EIF2B1: variants seen among roughly 807,000 people sequenced by gnomAD.
EIF2B1 encodes the protein translation initiation factor eIF2B subunit alpha.
Under a neutral mutation model 36.8 loss-of-function variants are expected in EIF2B1, and 30 were observed. The ratio of observed to expected loss-of-function variants is 0.81; its 90% CI spans 0.61 to 1.10. The LOEUF (loss-of-function observed/expected upper bound fraction) is 1.10. Among genes scored for constraint, EIF2B1 ranks in the 50% least tolerant of loss-of-function variants. EIF2B1 has a pLI of 0.00. For synonymous variants in EIF2B1, 139 were observed against 142.2 expected (o/e 0.98, Z 0.16); for missense variants, 271 against 374.8 (o/e 0.72, Z 2.29).
At position 123,630,467 on chromosome 12, in the gene EIF2B1, G is replaced by A; in HGVS notation, c.182C>T (p.Ser61Phe). The change falls in exon 3 of 9, where the codon TCC becomes TTC. Residue 61 changes from serine to phenylalanine, a missense_variant. By Grantham distance (155) the Ser-to-Phe change is radical. Transcript: ENST00000424014. This position sits in a 1 kb window ranked among gnomAD's most constrained non-coding sequence, Gnocchi z 4.6. Reference sequence around the variant, plus strand: ...CCCGCCAGAGGACACTGCCACAGAGGAGTCCACACCACACAGGGTTTCTAT... The same window carrying A: ...CCCGCCAGAGGACACTGCCACAGAGAAGTCCACACCACACAGGGTTTCTAT... ...SAIETLCGVDSSVAVSSGGEL... is the reference protein window; with the variant it reads ...SAIETLCGVDFSVAVSSGGEL... The A allele has an allele frequency of 1.2e-6, 2 of 1,614,020 alleles. No individual in the cohort carries two copies. Among genetic ancestry groups the A allele is most frequent in the East Asian group, 2.2e-5 (1 of 44,874 alleles).
chr12:123,633,602 G>T lies in EIF2B1; in HGVS notation c.-45C>A. The T allele has an allele frequency of 6.2e-7, 1 of 1,604,226 alleles. No individual in the cohort carries two copies. Among genetic ancestry groups the T allele is most frequent in the Non-Finnish European group, 8.5e-7 (1 of 1,179,832 alleles). ...GCCCCAGGGGACCCGAGCCGCCCGC[G>T]CTGTCTCGAACGGGTCCGCCGGCCG... On this transcript the variant is annotated 5_prime_UTR_variant, in exon 1 of 9. Coordinates refer to ENST00000424014, the MANE Select transcript of EIF2B1 (RefSeq NM_001414.4).
rs1345933154 is a variant in EIF2B1 at position 123,632,482 on chromosome 12, T to A, written c.14-36A>T. ...GGAAAAAAGTGATTCACCTAATTCATTTAGCAGCCTATAAGGCAAGAGAGC... is the reference window on the plus strand; with the variant it reads ...GGAAAAAAGTGATTCACCTAATTCAATTAGCAGCCTATAAGGCAAGAGAGC... On this transcript the variant is annotated intron_variant, in intron 1 of 8. Coordinates refer to ENST00000424014, the MANE Select transcript of EIF2B1 (RefSeq NM_001414.4). 5 of 1,401,644 alleles carry A rather than the reference T, an allele frequency of 3.6e-6. 1 individual carries two copies. In the East Asian group the frequency reaches 9.1e-5, roughly 25 times the overall value. 86.8% of individuals were successfully genotyped at this position (1,401,644 alleles called of 1,614,324 possible). A position where few individuals can be genotyped will look rare whatever the true frequency, so the allele number is the denominator to read the frequency against.
chr12:123,621,854 C>T lies in EIF2B1; in HGVS notation c.820G>A (p.Asp274Asn), dbSNP rs747557144. The change falls in exon 9 of 9, where the codon GAC (aspartate) becomes AAC (asparagine). Residue 274 changes from aspartate (D) to asparagine (N), a missense_variant. Physicochemically the swap from Asp to Asn is conservative, Grantham distance 23. Coordinates refer to ENST00000424014, the MANE Select transcript of EIF2B1 (RefSeq NM_001414.4). ...GTGATTAAGGAAGGGGCAGTGTAGT[C>T]GACCCACGGATGCTCCTCTTTGAGG... Reference protein sequence around the residue: ...QDLKEEHPWVDYTAPSLITLL... With the variant: ...QDLKEEHPWVNYTAPSLITLL... 15 of 1,613,890 alleles carry T rather than the reference C, an allele frequency of 9.3e-6. No homozygotes were observed. Among genetic ancestry groups the T allele is most frequent in the South Asian group, 7.7e-5 (7 of 91,070 alleles).
Position 123,622,017 on chromosome 12 carries a change from T to C in EIF2B1, c.754-97A>G, listed in dbSNP as rs955295191. ...TGATCAGTGTGCTACTTCCTGAGAC[T>C]GCTCTCTGAAAATGGGAGAAACTAA... On this transcript the variant is annotated intron_variant, in intron 8 of 8. Coordinates refer to ENST00000424014, the MANE Select transcript of EIF2B1 (RefSeq NM_001414.4). The C allele has an allele frequency of 4.6e-6, 7 of 1,515,952 alleles. No individual in the cohort carries two copies. The African/African-American group carries it at 9.6e-5, about 21-fold the overall frequency. The allele number at this position is 1,515,952 out of a possible 1,614,324, so 93.9% of individuals were successfully genotyped here. A position where few individuals can be genotyped will look rare whatever the true frequency, so the allele number is the denominator to read the frequency against.
At chr12:123,623,335 A>T (rs145305965) in intron 7 of EIF2B1, among the ~76,000 whole-genome samples, 5 of 152,108 alleles carry the variant, frequency 3.3e-5, no homozygotes, top group Non-Finnish European at 7.4e-5. Flanking sequence ...GCAGTGAGCC[A>T]AGACTGTGCC....
chr12:123,622,539 T>G (rs1046807990), intron 8 of EIF2B1, 97 bp downstream of exon 8: 5 of 1,527,404 alleles, frequency 3.3e-6, no homozygotes, highest in Non-Finnish European at 3.6e-6. Flanking sequence ...AAAGTAGCAA[T>G]AGGAAGTGAA....
At chr12:123,632,270 TAA>T (rs373001833) in intron 2 of EIF2B1, 73 bp downstream of exon 2, 4,250 of 748,050 alleles carry the variant, frequency 5.7e-3, no homozygotes, top group East Asian at 0.01. Context: ...TCCGTCTCTT[TAA>T]AAAAAAAAAA....
rs1314221550 is a variant in EIF2B1, at chr12:123,633,633, C to A, written c.-76G>T. On this transcript the variant is annotated 5_prime_UTR_variant, in exon 1 of 9. Transcript: ENST00000424014. ...TCGAACGGGTCCGCCGGCCGCGCCGCCTGCGAGCCAGTCTGACAGCGCGCT... is the reference window on the plus strand; with the variant it reads ...TCGAACGGGTCCGCCGGCCGCGCCGACTGCGAGCCAGTCTGACAGCGCGCT... 1.9e-6 allele frequency: 3 copies of A among 1,593,138 alleles called. No homozygotes were observed.
chr12:123,625,429 C>CTT (rs1955141352), intron 6 of EIF2B1, among the ~76,000 whole-genome samples: 1 of 151,918 alleles, frequency 6.6e-6, no homozygotes, highest in Non-Finnish European at 1.5e-5. Context: ...GGGGTTTCGC[C>CTT]ATATTGCCCA....
At chr12:123,626,999 T>C (rs749631884) in intron 5 of EIF2B1, 45 bp downstream of exon 5, 24 of 1,570,770 alleles carry the variant, frequency 1.5e-5, no homozygotes, top group Non-Finnish European at 2.0e-5. Context: ...CAGTTTGCTC[T>C]GTAAAATTAT....
intron 7 of EIF2B1, among the ~76,000 whole-genome samples, chr12:123,623,210 T>A (rs1169253200): frequency 6.6e-6 from 1 of 151,860 alleles, no homozygotes; most frequent in Non-Finnish European, 1.5e-5. Flanking sequence ...GGAAACCCCA[T>A]CTCTACTAAA....
chr12:123,633,654 G>A lies in EIF2B1; in HGVS notation c.-97C>T, dbSNP rs1555286069. On this transcript the variant is annotated 5_prime_UTR_variant, in exon 1 of 9. Coordinates refer to ENST00000424014, the MANE Select transcript of EIF2B1 (RefSeq NM_001414.4). ...GCCGCCTGCGAGCCAGTCTGACAGC[G>A]CGCTGCACACCTCCGCACCCCACTT... is the stretch of plus-strand genomic sequence containing the variant. 3.8e-6 allele frequency: 6 copies of A among 1,564,256 alleles called. No individual in the cohort carries two copies. The South Asian group carries it at 4.4e-5, about 12-fold the overall frequency.
chr12:123,631,644 T>C (rs1955188823), intron 2 of EIF2B1, among the ~76,000 whole-genome samples: 1 of 151,668 alleles, frequency 6.6e-6, no homozygotes, highest in Non-Finnish European at 1.5e-5. Flanking sequence ...CCGTCTCTAC[T>C]AAAAATACAA....
At chr12:123,626,296 A>C in intron 6 of EIF2B1, 129 bp downstream of exon 6, 2 of 1,019,936 alleles carry the variant, frequency 2.0e-6, no homozygotes, top group Non-Finnish European at 3.0e-6. Flanking sequence ...TAGGGCAGCT[A>C]TTAATTAAGA....
intron 4 of EIF2B1, among the ~76,000 whole-genome samples, chr12:123,627,757 G>C (rs1362350581): frequency 6.6e-6 from 1 of 152,200 alleles, no homozygotes; most frequent in Non-Finnish European, 1.5e-5. Flanking sequence ...GGGAGGCCGA[G>C]GTGGGAGGAT....
Position 123,632,462 on chromosome 12 carries a change from A to C in EIF2B1, c.14-16T>G. 6.4e-7 allele frequency: 1 copy of C among 1,557,512 alleles called. No homozygotes were observed. The highest frequency in any genetic ancestry group is 8.9e-7 in the Non-Finnish European group (1 of 1,129,930). On this transcript the variant is annotated splice_polypyrimidine_tract_variant and intron_variant, in intron 1 of 8. Coordinates refer to ENST00000424014, the MANE Select transcript of EIF2B1 (RefSeq NM_001414.4). ...TCAATTAACTCTGGAAAAAGGGAAAAAAGTGATTCACCTAATTCATTTAGC... is the reference window on the plus strand; with the variant it reads ...TCAATTAACTCTGGAAAAAGGGAAACAAGTGATTCACCTAATTCATTTAGC...
At chr12:123,622,047 T>C (rs1955105235) in intron 8 of EIF2B1, 127 bp from the exon 9 acceptor site, 1 of 1,314,298 alleles carries the variant, frequency 7.6e-7, no homozygotes, top group Non-Finnish European at 1.1e-6. Flanking sequence ...AACTAAGCTA[T>C]GCAGGACACT....
Position 123,627,089 on chromosome 12 carries a change from T to A in EIF2B1, c.437A>T (p.Lys146Met). 1 of 1,614,206 alleles carries A rather than the reference T, an allele frequency of 6.2e-7. No homozygotes were observed. The highest frequency in any genetic ancestry group is 8.5e-7 in the Non-Finnish European group (1 of 1,180,034). The change falls in exon 5 of 9, where the codon AAG becomes ATG. Residue 146 changes from lysine (K) to methionine (M), a missense_variant. By Grantham distance (95) the Lys-to-Met change is moderately conservative. Transcript: ENST00000424014. ...CTCTGTGACGTATACACTAAATCGC[T>A]TCTTGGCCGCCACGGCTGCTTCCAG... Reference protein sequence around the residue: ...RVLEAAVAAKKRFSVYVTESQ... With the variant: ...RVLEAAVAAKMRFSVYVTESQ...
intron 7 of EIF2B1, among the ~76,000 whole-genome samples, chr12:123,623,198 A>G (rs567966218): frequency 3.3e-5 from 5 of 152,026 alleles, no homozygotes; most frequent in Non-Finnish European, 2.9e-5. Flanking sequence ...TGGCCAATAT[A>G]GGGAAACCCC....
Sources: gnomAD v4.1 joint callset for allele counts (sites outside exome capture counted in the v4.1 genomes callset) on GRCh38, gnomAD v4.1.1 for gene constraint, Gnocchi (gnomAD v3.1) non-coding constraint, MANE v1.5 for transcripts, NCBI Gene and HGNC (gene_info 2026-07-23, HGNC 2026-07-21) for gene names.